The following PPARA variants were observed in gnomAD, a reference collection of about 807,000 sequenced individuals.
PPARA encodes peroxisome proliferator activated receptor alpha, also known as peroxisome proliferator-activated receptor alpha.
Under a neutral mutation model 42.2 loss-of-function variants are expected in PPARA, and 22 were observed. The ratio of observed to expected loss-of-function variants is 0.52; its 90% confidence interval spans 0.37 to 0.74. The LOEUF is 0.74. PPARA is among the 30% of genes least tolerant of loss of function. PPARA has a pLI of 0.00. For synonymous variants in PPARA, 242 were observed against 239.3 expected, an observed-to-expected ratio of 1.01 and a Z score of -0.10; for missense variants, 465 against 608.2, an observed-to-expected ratio of 0.76 and a Z score of 2.48.
rs559969279 is a variant in PPARA at position 46,239,559 on chromosome 22, G to C, written c.*4179G>C. 6.7e-6 allele frequency: 1 copy of C among 149,730 alleles called. No homozygotes were observed. The highest frequency in any genetic ancestry group is 6.7e-5 in the Admixed American group (1 of 14,968). 9.3% of individuals were successfully genotyped at this position (149,730 alleles called of 1,614,324 possible). A position where few individuals can be genotyped will look rare whatever the true frequency, so the allele number is the denominator to read the frequency against. On this transcript the variant is annotated 3_prime_UTR_variant, in exon 9 of 9. Coordinates refer to ENST00000407236, the MANE Select transcript of PPARA (RefSeq NM_005036.6). ...AGCCTTGAAGATACGTGCAAAAGGT[G>C]CTACCCCAATTTGGTGAAACTGACA...
intron 4 of PPARA, among the ~76,000 whole-genome samples, chr22:46,205,429 A>G (rs1167255144): frequency 7.1e-6 from 1 of 140,532 alleles, no homozygotes; most frequent in Non-Finnish European, 1.5e-5. Context: ...CATGTTGCCC[A>G]GGTTGGTCTC....
chr22:46,199,560 C>T (rs1293084514), intron 4 of PPARA, among the ~76,000 whole-genome samples: 1 of 152,126 alleles, frequency 6.6e-6, no homozygotes, highest in Non-Finnish European at 1.5e-5. Context: ...AGGAGGACCA[C>T]TTGAGCCCAG....
rs1342753481 is a variant in PPARA at position 46,203,829 on chromosome 22, A to G, written c.208+5238A>G. ...CCGTCCCTTGCGGGCCTGTCCAGACAAGGGAACCCTGGGCAGGTTCCCTCA... is the reference window on the plus strand; with the variant it reads ...CCGTCCCTTGCGGGCCTGTCCAGACGAGGGAACCCTGGGCAGGTTCCCTCA... On this transcript the variant is annotated intron_variant, in intron 4 of 8. Coordinates refer to ENST00000407236, the MANE Select transcript of PPARA (RefSeq NM_005036.6). The surrounding 1 kb of genome is among the most constrained non-coding windows in gnomAD (Gnocchi z 5.8). 6.6e-6 allele frequency among the ~76,000 whole-genome samples: 1 copy of G among 151,572 alleles called. No homozygotes were observed. The highest frequency in any genetic ancestry group is 1.5e-5 in the Non-Finnish European group (1 of 67,814).
intron 4 of PPARA, among the ~76,000 whole-genome samples, chr22:46,207,644 T>TTA (rs1933461509): frequency 1.1e-5 from 1 of 91,740 alleles, no homozygotes; most frequent in Non-Finnish European, 2.0e-5. Context: ...AATTAATTAA[T>TTA]TTATTATTAT....
Position 46,238,346 on chromosome 22 carries a change from T to C in PPARA, c.*2966T>C, listed in dbSNP as rs1170577613. The C allele has an allele frequency of 6.6e-6, 1 of 152,270 alleles. No homozygotes were observed. The highest frequency in any genetic ancestry group is 1.5e-5 in the Non-Finnish European group (1 of 68,052). 9.4% of individuals were successfully genotyped at this position (152,270 alleles called of 1,614,324 possible). On this transcript the variant is annotated 3_prime_UTR_variant, in exon 9 of 9. Coordinates refer to ENST00000407236, the MANE Select transcript of PPARA (RefSeq NM_005036.6). The surrounding 1 kb of genome is among the most constrained non-coding windows in gnomAD (Gnocchi z 8.3). ...TCAATACTCAAATATAGGCTGATTATGCCCCAGTTCAAATGGGAACTATTA... is the reference window on the plus strand; with the variant it reads ...TCAATACTCAAATATAGGCTGATTACGCCCCAGTTCAAATGGGAACTATTA...
chr22:46,153,238 T>C (rs1924745088), intron 2 of PPARA, among the ~76,000 whole-genome samples: 1 of 149,450 alleles, frequency 6.7e-6, no homozygotes, highest in Admixed American at 6.7e-5. Flanking sequence ...GGCATGATCT[T>C]GGCTCACCGC....
rs1378128796 is a variant in PPARA at position 46,235,294 on chromosome 22, G to A, written c.1321G>A (p.Ala441Thr). ...ADLRQLVTEH[A>T]QLVQIIKKTE... ...CCTCCGGCAGCTGGTGACGGAGCAT[G>A]CGCAGCTGGTGCAGATCATCAAGAA... is the stretch of plus-strand genomic sequence containing the variant. Residue 441 changes from alanine (A) to threonine (T), a missense_variant, in exon 9 of 9, where the codon GCG becomes ACG. Around this residue, in one of 2 missense-constraint regions of PPARA, gnomAD observed 313 missense variants for 469.1 expected, o/e 0.67. Transcript: ENST00000407236. This position sits in a 1 kb window ranked among gnomAD's most constrained non-coding sequence, Gnocchi z 7.0. 1.2e-5 allele frequency: 20 copies of A among 1,614,104 alleles called. No individual in the cohort carries two copies. The highest frequency in any genetic ancestry group is 1.7e-5 in the Non-Finnish European group (20 of 1,180,048).
At position 46,183,629 on chromosome 22, in the gene PPARA, T is replaced by A. The variant is rs1396345397; in HGVS notation, c.-43+6793T>A. 6.6e-6 allele frequency among the ~76,000 whole-genome samples: 1 copy of A among 152,034 alleles called. No individual in the cohort carries two copies. Among genetic ancestry groups the A allele is most frequent in the Admixed American group, 6.6e-5 (1 of 15,254 alleles). On this transcript the variant is annotated intron_variant, in intron 3 of 8. Transcript: ENST00000407236. This position sits in a 1 kb window ranked among gnomAD's most constrained non-coding sequence, Gnocchi z 5.5. Reference sequence around the variant, plus strand: ...TGGTGGCATGTGCCTGTAGTCCCAGTTACCCGGGAGGCTGAGGTGGGAGGA... The same window carrying A: ...TGGTGGCATGTGCCTGTAGTCCCAGATACCCGGGAGGCTGAGGTGGGAGGA...
At position 46,235,227 on chromosome 22, in the gene PPARA, C is replaced by G; in HGVS notation, c.1254C>G (p.Asp418Glu). Residue 418 changes from aspartate to glutamate, a missense_variant, in exon 9 of 9, where the codon GAC becomes GAG. Physicochemically the swap from Asp to Glu is conservative, Grantham distance 45. This residue lies in a region of PPARA where 313 missense variants were observed against 469.1 expected (regional missense o/e 0.67). Transcript: ENST00000407236. This position sits in a 1 kb window ranked among gnomAD's most constrained non-coding sequence, Gnocchi z 7.0. ...TCCACCTGCAGAGCAACCACCCGGA[C>G]GATATCTTTCTCTTCCCAAAACTTC... is the stretch of plus-strand genomic sequence containing the variant. ...LRLHLQSNHP[D>E]DIFLFPKLLQ... 1.2e-6 allele frequency: 2 copies of G among 1,614,122 alleles called. No homozygotes were observed. The highest frequency in any genetic ancestry group is 1.7e-6 in the Non-Finnish European group (2 of 1,180,032).
At chr22:46,170,020 T>G (rs1459096458) in intron 2 of PPARA, among the ~76,000 whole-genome samples, 1 of 152,026 alleles carries the variant, frequency 6.6e-6, no homozygotes, top group Admixed American at 6.6e-5. Context: ...CTTCAGGAAC[T>G]TTACTTTTTA....
At position 46,241,416 on chromosome 22, in the gene PPARA, CTTTG is replaced by C. The variant is rs1384845296; in HGVS notation, c.*6040_*6043del. ...AAAGAAAAAGATAATGAGCTTCATG[CTTTG>C]TTTAATTACATAATGATTTCCATTA... On this transcript the variant is annotated 3_prime_UTR_variant, in exon 9 of 9. Coordinates refer to ENST00000407236, the MANE Select transcript of PPARA (RefSeq NM_005036.6). The surrounding 1 kb of genome is among the most constrained non-coding windows in gnomAD (Gnocchi z 5.7). 8 of 152,288 alleles carry C rather than the reference CTTTG, an allele frequency of 5.3e-5. No individual in the cohort carries two copies. The East Asian group carries it at 9.6e-4, about 18-fold the overall frequency. 9.4% of individuals were successfully genotyped at this position (152,288 alleles called of 1,614,324 possible). A position where few individuals can be genotyped will look rare whatever the true frequency, so the allele number is the denominator to read the frequency against.
In PPARA at chr22:46,216,565, G is replaced by A. The variant is rs762190538; in HGVS notation, c.369+1232G>A. ...AGAGACACAGAGTATCTTGCTTAGGGTCCCACAGCCCCCAGCAGCAGGGAC... is the reference window on the plus strand; with the variant it reads ...AGAGACACAGAGTATCTTGCTTAGGATCCCACAGCCCCCAGCAGCAGGGAC... On this transcript the variant is annotated intron_variant, in intron 5 of 8. Coordinates refer to ENST00000407236, the MANE Select transcript of PPARA (RefSeq NM_005036.6). This position sits in a 1 kb window ranked among gnomAD's most constrained non-coding sequence, Gnocchi z 4.5. Among the ~76,000 whole-genome samples, 4 of 152,168 alleles carry A rather than the reference G, an allele frequency of 2.6e-5. No individual in the cohort carries two copies. Among genetic ancestry groups the A allele is most frequent in the Non-Finnish European group, 4.4e-5 (3 of 68,030 alleles).
rs1932899905 is a variant in PPARA, at chr22:46,202,671, T to A, written c.208+4080T>A. On this transcript the variant is annotated intron_variant, in intron 4 of 8. Transcript: ENST00000407236. ...AATTAATGTAAAATATTTTATTTTT[T>A]ATTTATTTTTTGAGACAGAGTTTCA... Among the ~76,000 whole-genome samples the A allele has an allele frequency of 2.0e-5, 3 of 151,904 alleles. No individual in the cohort carries two copies. The South Asian group carries it at 6.2e-4, about 32-fold the overall frequency.
In PPARA at chr22:46,199,360, C is replaced by T. The variant is rs1411320501; in HGVS notation, c.208+769C>T. 6.6e-5 allele frequency among the ~76,000 whole-genome samples: 10 copies of T among 152,136 alleles called. 1 individual carries two copies. Among genetic ancestry groups the T allele is most frequent in the South Asian group, 4.2e-4 (2 of 4,816 alleles). The stretch of plus-strand genomic sequence containing the variant: ...TTAAAAGAACAGACTAGGCTAGGCG[C>T]GGTGGCTCACGCCTATAATCCCAGC... On this transcript the variant is annotated intron_variant, in intron 4 of 8. Coordinates refer to ENST00000407236, the MANE Select transcript of PPARA (RefSeq NM_005036.6).
rs978701020 is a variant in PPARA, at chr22:46,236,009, G to A, written c.*629G>A. ...CATACTTGTAATCCCAGCACTTTGG[G>A]AGGCCGAGGCGGGTGGATCACAAGG... On this transcript the variant is annotated 3_prime_UTR_variant, in exon 9 of 9. Coordinates refer to ENST00000407236, the MANE Select transcript of PPARA (RefSeq NM_005036.6). The surrounding 1 kb of genome is among the most constrained non-coding windows in gnomAD (Gnocchi z 5.2). 6.5e-6 allele frequency: 1 copy of A among 154,574 alleles called. No individual in the cohort carries two copies. Among genetic ancestry groups the A allele is most frequent in the Non-Finnish European group, 1.4e-5 (1 of 69,626 alleles). The allele number at this position is 154,574 out of a possible 1,614,324, so 9.6% of individuals were successfully genotyped here. A position where few individuals can be genotyped will look rare whatever the true frequency, so the allele number is the denominator to read the frequency against.
At chr22:46,217,118 G>T (rs1934563245) in intron 5 of PPARA, among the ~76,000 whole-genome samples, 2 of 152,082 alleles carry the variant, frequency 1.3e-5, no homozygotes, top group Non-Finnish European at 2.9e-5. Context: ...CTAGAAGCCT[G>T]TCTCCCCACC....
In PPARA at chr22:46,190,864, C is replaced by T. The variant is rs956761387; in HGVS notation, c.-42-7478C>T. Among the ~76,000 whole-genome samples, 3 of 152,170 alleles carry T rather than the reference C, an allele frequency of 2.0e-5. No homozygotes were observed. Among genetic ancestry groups the T allele is most frequent in the Non-Finnish European group, 2.9e-5 (2 of 68,026 alleles). On this transcript the variant is annotated intron_variant, in intron 3 of 8. Coordinates refer to ENST00000407236, the MANE Select transcript of PPARA (RefSeq NM_005036.6). The surrounding 1 kb of genome is among the most constrained non-coding windows in gnomAD (Gnocchi z 5.6). ...TTTTGATAGTTGGGACAGTATTCAG[C>T]TACCTGCTATTTAATACATTATTTC...
chr22:46,157,757 G>C (rs898665234), intron 2 of PPARA, among the ~76,000 whole-genome samples: 1 of 152,148 alleles, frequency 6.6e-6, no homozygotes, highest in Admixed American at 6.5e-5. Context: ...CTCCTGCTCT[G>C]ACTGTCACAT....
Position 46,223,671 on chromosome 22 carries a change from T to A in PPARA, c.711+3657T>A, listed in dbSNP as rs115955221. Among the ~76,000 whole-genome samples, 932 of 118,730 alleles carry A rather than the reference T, an allele frequency of 7.8e-3. 9 individuals are homozygous for A. The highest frequency in any genetic ancestry group is 0.029 in the African/African-American group (898 of 30,524). 77.9% of individuals were successfully genotyped at this position (118,730 alleles called of 152,430 possible). On this transcript the variant is annotated intron_variant, in intron 7 of 8. Transcript: ENST00000407236. ...AAAAAAAAAAAAAGAGGGCCAGGCG[T>A]GGTTGCTCATGCTTATGCCTGTAAT...
Sources: gnomAD v4.1 joint callset for allele counts (sites outside exome capture counted in the v4.1 genomes callset) on GRCh38, gnomAD v4.1.1 for gene constraint, gnomAD v4.1.1 regional missense constraint, Gnocchi (gnomAD v3.1) non-coding constraint, MANE v1.5 for transcripts, NCBI Gene and HGNC (gene_info 2026-07-23, HGNC 2026-07-21) for gene names.